The following SENP7 variants were observed in gnomAD, a reference collection of about 807,000 sequenced individuals.
SENP7 encodes sentrin-specific protease 7.
A neutral mutation model predicts 141.2 loss-of-function variants in SENP7; 64 were observed. The ratio of observed to expected loss-of-function variants is 0.45; its 90% CI spans 0.37 to 0.56. The LOEUF (loss-of-function observed/expected upper bound fraction) is 0.56, where lower values mean the gene tolerates loss of function less well. Among genes scored for constraint, SENP7 ranks in the 20% least tolerant of loss-of-function variants. The pLI is 0.00. For missense variants in SENP7, 1,025 were observed against 1,212.2 expected, an observed-to-expected ratio of 0.85 and a Z score of 2.29; for synonymous variants, 382 against 426.4, an observed-to-expected ratio of 0.90 and a Z score of 1.28.
intron 4 of SENP7, among the ~76,000 whole-genome samples, chr3:101,431,112 T>C (rs2062149097): frequency 6.6e-6 from 1 of 152,226 alleles, no homozygotes; most frequent in Non-Finnish European, 1.5e-5. Flanking sequence ...ATGTGGTCAA[T>C]TTTGGAATAG....
At chr3:101,485,481 G>A (rs557980546) in intron 3 of SENP7, among the ~76,000 whole-genome samples, 2 of 152,222 alleles carry the variant, frequency 1.3e-5, no homozygotes, top group South Asian at 2.1e-4. Flanking sequence ...GGGAAGACTC[G>A]CTGGGTGGCT....
chr3:101,383,216 T>A (rs1447869036), intron 6 of SENP7, among the ~76,000 whole-genome samples: 1 of 152,098 alleles, frequency 6.6e-6, no homozygotes, highest in Non-Finnish European at 1.5e-5. Context: ...TAAGAGTGTG[T>A]AGCAGCCTCC....
intron 4 of SENP7, among the ~76,000 whole-genome samples, chr3:101,449,628 A>G (rs1407051834): frequency 6.6e-6 from 1 of 152,190 alleles, no homozygotes; most frequent in African/African-American, 2.4e-5. Flanking sequence ...TAAGCTTCAT[A>G]AGTGAAGGAG....
chr3:101,348,894 G>A (rs1178876617), intron 12 of SENP7, among the ~76,000 whole-genome samples: 2 of 151,852 alleles, frequency 1.3e-5, no homozygotes, highest in African/African-American at 4.8e-5. Flanking sequence ...TATCAGTCAA[G>A]CGTAAACCCA....
chr3:101,499,535 A>ATTTTTTTTTTTTTTTTTTT (rs55855998), intron 2 of SENP7, among the ~76,000 whole-genome samples: 101 of 138,744 alleles, frequency 7.3e-4, no homozygotes, highest in Non-Finnish European at 1.0e-3. Flanking sequence ...TGCCCAGCTA[A>ATTTTTTTTTTTTTTTTTTT]TTTTTTTTTT....
chr3:101,363,014 A>C (rs1005701590), intron 10 of SENP7: 1 of 168,236 alleles, frequency 5.9e-6, no homozygotes, highest in Non-Finnish European at 1.2e-5. Flanking sequence ...TTACTACTAA[A>C]GCAGTTATTA....
At chr3:101,442,052 G>A (rs1263138665) in intron 4 of SENP7, among the ~76,000 whole-genome samples, 1 of 152,034 alleles carries the variant, frequency 6.6e-6, no homozygotes, top group African/African-American at 2.4e-5. Flanking sequence ...TCTACCAAAT[G>A]AGGTTAATCC....
intron 6 of SENP7, among the ~76,000 whole-genome samples, chr3:101,390,014 G>T (rs1314676810): frequency 6.6e-6 from 1 of 152,022 alleles, no homozygotes; most frequent in Non-Finnish European, 1.5e-5. Context: ...GAGGTCAGGA[G>T]TTAGAGACCA....
intron 12 of SENP7, among the ~76,000 whole-genome samples, chr3:101,349,140 C>A (rs967267051): frequency 6.6e-6 from 1 of 152,124 alleles, no homozygotes. Flanking sequence ...ATATGAAAAT[C>A]TTTCCATGAT....
intron 10 of SENP7, 93 bp from the exon 11 acceptor site, chr3:101,361,954 CTA>C: frequency 7.4e-7 from 1 of 1,342,938 alleles, no homozygotes; most frequent in Non-Finnish European, 1.0e-6. Flanking sequence ...CTTTAAATTA[CTA>C]TTAGTGAATT....
intron 6 of SENP7, among the ~76,000 whole-genome samples, chr3:101,390,342 G>GA (rs375807905): frequency 0.012 from 1,567 of 132,156 alleles, 25 homozygotes; most frequent in African/African-American, 0.037. Context: ...TACATTGACC[G>GA]AAAAAAAAAA....
intron 1 of SENP7, among the ~76,000 whole-genome samples, chr3:101,502,850 C>A (rs1309735016): frequency 2.0e-5 from 3 of 150,704 alleles, no homozygotes; most frequent in African/African-American, 7.3e-5. Flanking sequence ...TGGGAGGTTA[C>A]AGCTGCAGCG....
chr3:101,482,145 C>T (rs971935082), intron 3 of SENP7, among the ~76,000 whole-genome samples: 1 of 151,754 alleles, frequency 6.6e-6, no homozygotes, highest in Non-Finnish European at 1.5e-5. Context: ...CCTGTCTCTA[C>T]TAAAAATACA....
intron 6 of SENP7, among the ~76,000 whole-genome samples, chr3:101,388,879 A>G (rs2060732402): frequency 6.6e-6 from 1 of 152,072 alleles, no homozygotes; most frequent in African/African-American, 2.4e-5. Context: ...AAAAGCTTCA[A>G]CAATAGACTA....
chr3:101,473,847 C>T (rs928931721), intron 3 of SENP7, among the ~76,000 whole-genome samples: 2 of 152,062 alleles, frequency 1.3e-5, no homozygotes, highest in African/African-American at 4.8e-5. Context: ...AGGCTGTCTT[C>T]CAGAGTTTTC....
intron 12 of SENP7, among the ~76,000 whole-genome samples, chr3:101,350,148 T>C (rs1258823253): frequency 6.6e-6 from 1 of 152,124 alleles, no homozygotes; most frequent in Non-Finnish European, 1.5e-5. Context: ...AACTTGAGGA[T>C]GCAAGTCATA....
Position 101,416,309 on chromosome 3 carries a change from G to A in SENP7, c.482+1284C>T, listed in dbSNP as rs182966617. On this transcript the variant is annotated intron_variant, in intron 5 of 23. Transcript: ENST00000394095. ...AATCTATGTGCTAAAAATTCCTAGT[G>A]GTAAAACTATTATTCTGAGAGAATG... Among the ~76,000 whole-genome samples, 16 of 152,278 alleles carry A rather than the reference G, an allele frequency of 1.1e-4. No individual in the cohort carries two copies. In the Middle Eastern group the frequency reaches 0.01, roughly 97 times the overall value.
At chr3:101,379,887 G>A (rs1271855829) in intron 6 of SENP7, among the ~76,000 whole-genome samples, 1 of 152,082 alleles carries the variant, frequency 6.6e-6, no homozygotes, top group African/African-American at 2.4e-5. Context: ...GTTCATAATG[G>A]CATTACACAC....
At chr3:101,364,156 G>A (rs563958354) in intron 10 of SENP7, among the ~76,000 whole-genome samples, 2 of 152,186 alleles carry the variant, frequency 1.3e-5, no homozygotes, top group South Asian at 2.1e-4. Context: ...GAGCCCAAGA[G>A]GTTGAGGCTG....
Sources: gnomAD v4.1 joint callset for allele counts (sites outside exome capture counted in the v4.1 genomes callset) on GRCh38, gnomAD v4.1.1 for gene constraint, MANE v1.5 for transcripts, NCBI Gene and HGNC (gene_info 2026-07-23, HGNC 2026-07-21) for gene names.